ADGRB3: variants seen among roughly 807,000 people sequenced by gnomAD.
ADGRB3 encodes adhesion G protein-coupled receptor B3.
ADGRB3 carries 37 observed loss-of-function variants against 193.4 expected under a neutral mutation model. The ratio of observed to expected loss-of-function variants is 0.19; its 90% CI spans 0.15 to 0.25. The LOEUF is 0.25. Ranked by LOEUF, ADGRB3 falls within the 10% of genes least tolerant of loss-of-function variation. The probability of loss-of-function intolerance (pLI) is 1.00; values close to 1 mark genes in which losing one functional copy is unlikely to be tolerated. For synonymous variants in ADGRB3, 690 were observed against 644.2 expected, an observed-to-expected ratio of 1.07 and a Z score of -1.08; for missense variants, 1,637 against 1,852.9, an observed-to-expected ratio of 0.88 and a Z score of 2.14.
chr6:68,989,457 A>G (rs538241439), intron 10 of ADGRB3, among the ~76,000 whole-genome samples: 55 of 152,298 alleles, frequency 3.6e-4, no homozygotes, highest in Non-Finnish European at 5.9e-5. Context: ...ACCAGGATCC[A>G]TCTCGTGTCT....
intron 8 of ADGRB3, among the ~76,000 whole-genome samples, chr6:68,961,127 A>T (rs758156635): frequency 1.2e-4 from 18 of 152,156 alleles, no homozygotes; most frequent in Non-Finnish European, 2.2e-4. Flanking sequence ...TAGCCAACTC[A>T]TGTTTCAGCC....
intron 26 of ADGRB3, among the ~76,000 whole-genome samples, chr6:69,352,403 GT>G (rs1330989833): frequency 9.2e-5 from 14 of 152,198 alleles, no homozygotes; most frequent in Admixed American, 8.5e-4. Flanking sequence ...CTTAACTGAT[GT>G]GTTTGAAAAA....
At chr6:68,828,265 G>T (rs1281929117) in intron 3 of ADGRB3, among the ~76,000 whole-genome samples, 1 of 152,038 alleles carries the variant, frequency 6.6e-6, no homozygotes, top group Non-Finnish European at 1.5e-5. Context: ...GTGCTGGCTG[G>T]ATAACATATT....
At chr6:68,741,281 C>A (rs931685643) in intron 3 of ADGRB3, among the ~76,000 whole-genome samples, 1 of 152,020 alleles carries the variant, frequency 6.6e-6, no homozygotes, top group African/African-American at 2.4e-5. Context: ...CTAAGGCACC[C>A]GGAGATAAAG....
chr6:68,814,106 C>G (rs996545838), intron 3 of ADGRB3, among the ~76,000 whole-genome samples: 36 of 152,128 alleles, frequency 2.4e-4, no homozygotes, highest in Admixed American at 4.6e-4. Flanking sequence ...GGTATTTCTA[C>G]TTCTAGATCC....
At chr6:69,160,445 A>T (rs891820994) in intron 17 of ADGRB3, among the ~76,000 whole-genome samples, 1 of 152,112 alleles carries the variant, frequency 6.6e-6, no homozygotes, top group African/African-American at 2.4e-5. Flanking sequence ...TAATCATGAC[A>T]TTCACTTATC....
chr6:69,167,156 G>C (rs1368681330), intron 17 of ADGRB3, among the ~76,000 whole-genome samples: 1 of 152,116 alleles, frequency 6.6e-6, no homozygotes, highest in East Asian at 1.9e-4. Flanking sequence ...AGCCAGGGTA[G>C]AAGTATGTAT....
intron 3 of ADGRB3, among the ~76,000 whole-genome samples, chr6:68,774,325 C>A (rs1022685739): frequency 3.5e-4 from 53 of 150,012 alleles, no homozygotes; most frequent in Admixed American, 2.5e-3. Flanking sequence ...TTTATGCAAC[C>A]TAATGTCTTT....
At position 69,275,697 on chromosome 6, in the gene ADGRB3, A is replaced by T. The variant is rs573317639; in HGVS notation, c.2814+36471A>T. Among the ~76,000 whole-genome samples, 1,186 of 147,720 alleles carry T rather than the reference A, an allele frequency of 8.0e-3. 17 individuals are homozygous for T. Among genetic ancestry groups the T allele is most frequent in the Middle Eastern group, 0.065 (19 of 292 alleles). On this transcript the variant is annotated intron_variant, in intron 20 of 31. Transcript: ENST00000370598. Reference sequence around the variant, plus strand: ...TTTTTGTTATAGAGGACATAATATAAAAAAAAAACATTATATATCAAATAA... The same window carrying T: ...TTTTTGTTATAGAGGACATAATATATAAAAAAAACATTATATATCAAATAA...
chr6:69,060,224 C>CTCTCTT (rs1038850606), intron 15 of ADGRB3, among the ~76,000 whole-genome samples: 19 of 146,988 alleles, frequency 1.3e-4, no homozygotes, highest in Admixed American at 5.2e-4. Flanking sequence ...CTCTCTTTCT[C>CTCTCTT]TCTCTCTCTC....
chr6:69,193,930 C>A (rs1238297825), intron 17 of ADGRB3, among the ~76,000 whole-genome samples: 1 of 152,020 alleles, frequency 6.6e-6, no homozygotes, highest in African/African-American at 2.4e-5. Context: ...CTAGTTTATT[C>A]TGCTCTTTGG....
At chr6:68,648,154 T>C (rs1048632838) in intron 3 of ADGRB3, among the ~76,000 whole-genome samples, 3 of 152,184 alleles carry the variant, frequency 2.0e-5, no homozygotes, top group Non-Finnish European at 4.4e-5. Context: ...TTCTAGTGTG[T>C]ATGGAAAATT....
intron 11 of ADGRB3, among the ~76,000 whole-genome samples, chr6:69,006,460 A>T (rs576765837): frequency 5.3e-5 from 8 of 152,138 alleles, no homozygotes; most frequent in Non-Finnish European, 2.9e-5. Flanking sequence ...TAGTTAAAAG[A>T]ATGGTCTGTC....
intron 3 of ADGRB3, among the ~76,000 whole-genome samples, chr6:68,887,603 C>G (rs1003740634): frequency 6.6e-6 from 1 of 152,036 alleles, no homozygotes; most frequent in African/African-American, 2.4e-5. Context: ...AATCAAGATG[C>G]TAAATATCTA....
chr6:69,214,152 A>T (rs1765725564), intron 17 of ADGRB3, among the ~76,000 whole-genome samples: 1 of 152,154 alleles, frequency 6.6e-6, no homozygotes, highest in African/African-American at 2.4e-5. Flanking sequence ...AGAGGAGAGG[A>T]ACAAACAGCA....
intron 17 of ADGRB3, among the ~76,000 whole-genome samples, chr6:69,177,706 A>G (rs1361649423): frequency 1.3e-5 from 2 of 152,258 alleles, no homozygotes; most frequent in Admixed American, 6.5e-5. Context: ...AAAGTCATTC[A>G]GGACCAAGTT....
At chr6:69,340,586 G>C (rs187101992) in intron 26 of ADGRB3, among the ~76,000 whole-genome samples, 1 of 152,098 alleles carries the variant, frequency 6.6e-6, no homozygotes. Flanking sequence ...TGATTTATCA[G>C]ATGGGAAGAA....
intron 17 of ADGRB3, among the ~76,000 whole-genome samples, chr6:69,170,714 T>A (rs1197629514): frequency 2.0e-5 from 3 of 152,198 alleles, no homozygotes; most frequent in Non-Finnish European, 2.9e-5. Context: ...AAGAGGAAGA[T>A]ATGACTTCTC....
At chr6:68,814,179 T>C (rs1011785269) in intron 3 of ADGRB3, among the ~76,000 whole-genome samples, 4 of 152,196 alleles carry the variant, frequency 2.6e-5, no homozygotes, top group Admixed American at 6.6e-5. Flanking sequence ...ACCAACAGTG[T>C]AGAAGTGTTC....
Sources: allele counts gnomAD v4.1 joint callset (sites outside exome capture counted in the v4.1 genomes callset), GRCh38; gene constraint gnomAD v4.1.1; transcripts MANE v1.5; gene names NCBI Gene and HGNC (gene_info 2026-07-23, HGNC 2026-07-21).